TRAPPC9: variants seen among roughly 807,000 people sequenced by gnomAD.
TRAPPC9 encodes the protein IKK2 binding protein.
In TRAPPC9, 83 loss-of-function variants were observed where a neutral mutation model predicts 124.0. That is an observed-to-expected ratio of 0.67 (90% CI 0.56 to 0.80). The LOEUF (loss-of-function observed/expected upper bound fraction) is 0.80, where lower values mean the gene tolerates loss of function less well. Ranked by LOEUF, TRAPPC9 falls within the 30% of genes least tolerant of loss-of-function variation. TRAPPC9 has a pLI of 0.00. For synonymous variants in TRAPPC9, 638 were observed against 617.5 expected, an observed-to-expected ratio of 1.03 and a Z score of -0.49; for missense variants, 1,302 against 1,508.3, an observed-to-expected ratio of 0.86 and a Z score of 2.27.
intron 18 of TRAPPC9, among the ~76,000 whole-genome samples, chr8:140,022,342 G>A (rs368993615): frequency 2.0e-5 from 3 of 152,276 alleles, no homozygotes; most frequent in African/African-American, 7.2e-5. Flanking sequence ...CCCAAGAGCA[G>A]GGAAAAGAAC....
In TRAPPC9 at chr8:140,252,614, G is replaced by C. The variant is rs1665598381; in HGVS notation, c.2431+163C>G. ...CTTTTATTACTTTCAGACACATACAGTAACACACTCTGTTAACAAAGTGCC... is the reference window on the plus strand; with the variant it reads ...CTTTTATTACTTTCAGACACATACACTAACACACTCTGTTAACAAAGTGCC... On this transcript the variant is annotated intron_variant, in intron 16 of 22. Transcript: ENST00000438773. The surrounding 1 kb of genome is among the most constrained non-coding windows in gnomAD (Gnocchi z 4.2). The C allele has an allele frequency of 5.5e-6, 4 of 720,882 alleles. No homozygotes were observed. In the Admixed American group the frequency reaches 9.0e-5, roughly 16 times the overall value. 44.7% of individuals were successfully genotyped at this position (720,882 alleles called of 1,614,324 possible).
intron 17 of TRAPPC9, among the ~76,000 whole-genome samples, chr8:140,202,738 G>C (rs964035385): frequency 3.9e-5 from 6 of 152,218 alleles, no homozygotes; most frequent in African/African-American, 1.4e-4. Flanking sequence ...CTATCCAGAG[G>C]TCAATCTTAA....
In TRAPPC9 at chr8:139,947,782, C is replaced by T. The variant is rs548272411; in HGVS notation, c.2811-37482G>A. Among the ~76,000 whole-genome samples, 68 of 150,176 alleles carry T rather than the reference C, an allele frequency of 4.5e-4. 1 individual carries two copies. The highest frequency in any genetic ancestry group is 1.5e-3 in the African/African-American group (62 of 40,748). ...ACTCAGGAGGCTGAGGAAGGAGAAT[C>T]ACCTGAACCTGGGAGGCAGAGGTTG... On this transcript the variant is annotated intron_variant, in intron 19 of 22. Transcript: ENST00000438773.
chr8:140,271,394 A>G (rs906360698), intron 15 of TRAPPC9, among the ~76,000 whole-genome samples: 1 of 152,230 alleles, frequency 6.6e-6, no homozygotes, highest in African/African-American at 2.4e-5. Context: ...ACTTCTGTTC[A>G]TCCAAAGCCA....
At chr8:140,189,266 G>GCCAGGTTCGTTT (rs2062425947) in intron 17 of TRAPPC9, among the ~76,000 whole-genome samples, 1 of 152,166 alleles carries the variant, frequency 6.6e-6, no homozygotes, top group Non-Finnish European at 1.5e-5. Context: ...AATTCCTCCT[G>GCCAGGTTCGTTT]CCAGGTTCGT....
At chr8:139,782,860 A>C (rs75251799) in intron 21 of TRAPPC9, among the ~76,000 whole-genome samples, 16,457 of 152,258 alleles carry the variant, frequency 0.11, 1,202 homozygotes, top group African/African-American at 0.18. Context: ...CCTGACAACA[A>C]TGAAATTAAA....
intron 14 of TRAPPC9, among the ~76,000 whole-genome samples, chr8:140,280,430 T>C (rs2131686222): frequency 6.6e-6 from 1 of 152,258 alleles, no homozygotes; most frequent in East Asian, 1.9e-4. Flanking sequence ...TTTTGTTTTG[T>C]TTTGTTTTTA....
intron 9 of TRAPPC9, among the ~76,000 whole-genome samples, chr8:140,318,878 G>A (rs549721549): frequency 1.4e-4 from 21 of 152,270 alleles, no homozygotes; most frequent in Admixed American, 9.8e-4. Context: ...AGAGTTGACC[G>A]AGTCTTCCTG....
rs187387745 is a variant in TRAPPC9, at chr8:140,368,254, A to G, written c.1351+2710T>C. Among the ~76,000 whole-genome samples the G allele has an allele frequency of 2.5e-3, 377 of 152,310 alleles. 3 individuals carry two copies. Among genetic ancestry groups the G allele is most frequent in the African/African-American group, 8.8e-3 (365 of 41,562 alleles). ...AAGAGCAGAGTTCAGGACCCTCTCC[A>G]GCAGGCCTTCTATTCCGCAGGGACG... On this transcript the variant is annotated intron_variant, in intron 8 of 22. Coordinates refer to ENST00000438773, the MANE Select transcript of TRAPPC9 (RefSeq NM_001160372.4).
chr8:140,450,092 G>A (rs1220024698), intron 2 of TRAPPC9, among the ~76,000 whole-genome samples: 1 of 152,154 alleles, frequency 6.6e-6, no homozygotes. Flanking sequence ...CAGGCACAGA[G>A]GCTCACACCT....
intron 17 of TRAPPC9, among the ~76,000 whole-genome samples, chr8:140,047,768 G>A (rs950569942): frequency 1.3e-5 from 2 of 152,064 alleles, no homozygotes; most frequent in Non-Finnish European, 2.9e-5. Flanking sequence ...CATGGGACAT[G>A]AGCCCGGGCT....
intron 21 of TRAPPC9, among the ~76,000 whole-genome samples, chr8:139,849,697 T>C (rs1827325536): frequency 6.6e-6 from 1 of 152,240 alleles, no homozygotes; most frequent in Non-Finnish European, 1.5e-5. Context: ...GTGTCCACAC[T>C]AGGAAGTGTG....
intron 21 of TRAPPC9, among the ~76,000 whole-genome samples, chr8:139,772,636 T>A (rs1821051925): frequency 6.6e-6 from 1 of 152,228 alleles, no homozygotes; most frequent in African/African-American, 2.4e-5. Flanking sequence ...GCAGAGCTCA[T>A]AGCTCACTTT....
chr8:139,899,446 G>T (rs913320745), intron 20 of TRAPPC9, among the ~76,000 whole-genome samples: 1 of 152,210 alleles, frequency 6.6e-6, no homozygotes, highest in African/African-American at 2.4e-5. Context: ...TTCATGAAGT[G>T]AAAGTGGACC....
rs1554668236 is a variant in TRAPPC9, at chr8:139,901,018, T to TAAATAAATAAAA, written c.2964+9128_2964+9129insTTTTATTTATTT. ...TAAATAAATAAAATAAATAAATAAA[T>TAAATAAATAAAA]AAAAATAAAATAAAAGTAAGTGCTA... is the stretch of plus-strand genomic sequence containing the variant. On this transcript the variant is annotated intron_variant, in intron 20 of 22. Transcript: ENST00000438773. 5.2e-4 allele frequency among the ~76,000 whole-genome samples: 78 copies of TAAATAAATAAAA among 151,254 alleles called. 1 individual carries two copies. The highest frequency in any genetic ancestry group is 1.5e-3 in the African/African-American group (62 of 41,238).
intron 14 of TRAPPC9, among the ~76,000 whole-genome samples, chr8:140,280,687 G>A (rs2065284376): frequency 6.6e-6 from 1 of 152,020 alleles, no homozygotes; most frequent in Non-Finnish European, 1.5e-5. Context: ...GCCCGCCTCT[G>A]CCTCCCAAAA....
At chr8:139,777,159 C>T (rs1821449751) in intron 21 of TRAPPC9, among the ~76,000 whole-genome samples, 2 of 152,258 alleles carry the variant, frequency 1.3e-5, no homozygotes, top group African/African-American at 4.8e-5. Context: ...AAATTAAACA[C>T]AGTCCCCTTT....
intron 17 of TRAPPC9, among the ~76,000 whole-genome samples, chr8:140,197,740 A>G (rs1194125808): frequency 1.3e-5 from 2 of 152,164 alleles, no homozygotes; most frequent in Non-Finnish European, 2.9e-5. Context: ...ACAGAATATA[A>G]AACAAAAGAG....
At chr8:140,239,603 G>C (rs552906486) in intron 16 of TRAPPC9, among the ~76,000 whole-genome samples, 1 of 152,142 alleles carries the variant, frequency 6.6e-6, no homozygotes, top group Non-Finnish European at 1.5e-5. Flanking sequence ...ACCTCCTCAC[G>C]GCCGTGGAGG....
Sources: gnomAD v4.1 joint callset for allele counts (sites outside exome capture counted in the v4.1 genomes callset) on GRCh38, gnomAD v4.1.1 for gene constraint, Gnocchi (gnomAD v3.1) non-coding constraint, MANE v1.5 for transcripts, NCBI Gene and HGNC (gene_info 2026-07-23, HGNC 2026-07-21) for gene names.